The following BMERB1 variants were observed in gnomAD, a reference collection of about 807,000 sequenced individuals.
BMERB1 encodes bMERB domain containing 1, also known as bMERB domain-containing protein 1.
BMERB1 carries 12 observed loss-of-function variants against 23.6 expected under a neutral mutation model. The observed-to-expected ratio is 0.51, with a 90% CI of 0.33 to 0.82. The LOEUF is 0.82. Ranked by LOEUF, BMERB1 falls within the 40% of genes least tolerant of loss-of-function variation. BMERB1 has a pLI of 0.03. For missense variants in BMERB1, 247 were observed against 255.4 expected (o/e 0.97, Z 0.22); for synonymous variants, 122 against 96.6 (o/e 1.26, Z -1.54).
intron 1 of BMERB1, among the ~76,000 whole-genome samples, chr16:15,489,069 G>A (rs902262462): frequency 6.6e-6 from 1 of 152,114 alleles, no homozygotes; most frequent in African/African-American, 2.4e-5. Context: ...GGGGTTCACA[G>A]CAAAGTTCTG....
At chr16:15,465,642 C>G (rs999719679) in intron 1 of BMERB1, among the ~76,000 whole-genome samples, 1 of 152,024 alleles carries the variant, frequency 6.6e-6, no homozygotes, top group Non-Finnish European at 1.5e-5. Context: ...TGTGACCCAC[C>G]GCACCCAGCC....
intron 1 of BMERB1, among the ~76,000 whole-genome samples, chr16:15,449,194 C>T (rs2051018643): frequency 1.3e-5 from 2 of 152,168 alleles, no homozygotes; most frequent in African/African-American, 4.8e-5. Flanking sequence ...ACATATATAC[C>T]GTGGAATACC....
At chr16:15,491,487 T>G (rs1200389654) in intron 1 of BMERB1, among the ~76,000 whole-genome samples, 1 of 152,200 alleles carries the variant, frequency 6.6e-6, no homozygotes, top group African/African-American at 2.4e-5. Context: ...CTGATTGTAT[T>G]TTTTAAAATT....
Position 15,449,300 on chromosome 16 carries a change from A to G in BMERB1, c.106+14541A>G, listed in dbSNP as rs147097916. ...AGTGAACTAATGCGTGTTCTCACTT[A>G]TAAGTAGAAGCTAAACATTGGGTAC... On this transcript the variant is annotated intron_variant, in intron 1 of 5. Coordinates refer to ENST00000300006, the MANE Select transcript of BMERB1 (RefSeq NM_033201.3). Among the ~76,000 whole-genome samples, 1,053 of 152,336 alleles carry G rather than the reference A, an allele frequency of 6.9e-3. 13 individuals carry two copies. Among genetic ancestry groups the G allele is most frequent in the African/African-American group, 0.024 (991 of 41,584 alleles).
At chr16:15,448,195 T>C (rs577549949) in intron 1 of BMERB1, among the ~76,000 whole-genome samples, 12 of 152,240 alleles carry the variant, frequency 7.9e-5, no homozygotes, top group Admixed American at 2.0e-4. Flanking sequence ...TGGCCGGAAG[T>C]AGCATTTTAG....
intron 2 of BMERB1, among the ~76,000 whole-genome samples, chr16:15,529,275 C>T (rs1260031541): frequency 1.3e-5 from 2 of 152,298 alleles, no homozygotes; most frequent in African/African-American, 4.8e-5. Flanking sequence ...ATCCGCCTGC[C>T]TCGGCCTCCC....
At chr16:15,535,903 C>T (rs1016853661) in intron 2 of BMERB1, among the ~76,000 whole-genome samples, 22 of 152,026 alleles carry the variant, frequency 1.4e-4, no homozygotes, top group African/African-American at 4.6e-4. Context: ...GAATAAGAGC[C>T]AGCAGGGGAA....
At chr16:15,452,668 C>T (rs182908924) in intron 1 of BMERB1, among the ~76,000 whole-genome samples, 6 of 152,200 alleles carry the variant, frequency 3.9e-5, no homozygotes, top group African/African-American at 1.4e-4. Context: ...CCTAAGGCCT[C>T]CTGCCAGCTT....
intron 1 of BMERB1, among the ~76,000 whole-genome samples, chr16:15,440,997 G>T (rs1037080086): frequency 6.6e-6 from 1 of 152,202 alleles, no homozygotes; most frequent in Non-Finnish European, 1.5e-5. Context: ...AATCCAGGCA[G>T]TAAACGTAAA....
intron 2 of BMERB1, among the ~76,000 whole-genome samples, chr16:15,516,584 C>T (rs1050255447): frequency 2.0e-5 from 3 of 151,338 alleles, no homozygotes; most frequent in Non-Finnish European, 4.4e-5. Flanking sequence ...CCCTGCGCTG[C>T]CTGTCAGCTC....
At chr16:15,490,971 G>A (rs894456122) in intron 1 of BMERB1, among the ~76,000 whole-genome samples, 8 of 151,794 alleles carry the variant, frequency 5.3e-5, no homozygotes, top group African/African-American at 9.7e-5. Context: ...TCAGCCTCCC[G>A]AGTAGCTGGG....
intron 2 of BMERB1, among the ~76,000 whole-genome samples, chr16:15,561,758 G>C (rs1158972527): frequency 1.3e-5 from 2 of 152,112 alleles, no homozygotes; most frequent in Non-Finnish European, 2.9e-5. Flanking sequence ...CTGAGTGTAG[G>C]GGCATATGCC....
chr16:15,501,502 T>C (rs2051529931), intron 1 of BMERB1, among the ~76,000 whole-genome samples: 1 of 148,872 alleles, frequency 6.7e-6, no homozygotes, highest in Admixed American at 6.7e-5. Flanking sequence ...TGAGACAGAG[T>C]CTCCCTCTGT....
chr16:15,517,995 G>T (rs1281801978), intron 2 of BMERB1, among the ~76,000 whole-genome samples: 2 of 146,490 alleles, frequency 1.4e-5, no homozygotes, highest in African/African-American at 5.5e-5. Context: ...GTGTGTGCAT[G>T]TGTGGATGTG....
chr16:15,584,650 G>A (rs1267639468), intron 5 of BMERB1, among the ~76,000 whole-genome samples: 2 of 151,880 alleles, frequency 1.3e-5, no homozygotes, highest in Non-Finnish European at 2.9e-5. Flanking sequence ...AGAGCAACAA[G>A]AACTAGAGCC....
intron 1 of BMERB1, among the ~76,000 whole-genome samples, chr16:15,512,038 A>AAAAAAAT (rs1555509799): frequency 1.3e-5 from 2 of 148,408 alleles, no homozygotes; most frequent in South Asian, 2.2e-4. Flanking sequence ...AAAAAAAAAA[A>AAAAAAAT]GGGGGAATTG....
intron 2 of BMERB1, among the ~76,000 whole-genome samples, chr16:15,521,679 A>G (rs577365123): frequency 1.3e-5 from 2 of 152,256 alleles, no homozygotes; most frequent in Non-Finnish European, 2.9e-5. Flanking sequence ...CTGGTTTCCA[A>G]TGTGCAAAAT....
At chr16:15,510,103 C>A (rs941325606) in intron 1 of BMERB1, among the ~76,000 whole-genome samples, 3 of 152,144 alleles carry the variant, frequency 2.0e-5, no homozygotes, top group Non-Finnish European at 4.4e-5. Context: ...AAGATCCATC[C>A]CTAGAGCCTC....
At chr16:15,567,953 C>T in intron 2 of BMERB1, 30 bp from the exon 3 acceptor site, 1 of 1,599,548 alleles carries the variant, frequency 6.3e-7, no homozygotes, top group South Asian at 1.1e-5. Context: ...GCTGATGTAA[C>T]CTGCTGTTGA....
Sources: gnomAD v4.1 joint callset for allele counts (sites outside exome capture counted in the v4.1 genomes callset) on GRCh38, gnomAD v4.1.1 for gene constraint, MANE v1.5 for transcripts, NCBI Gene and HGNC (gene_info 2026-07-23, HGNC 2026-07-21) for gene names.